KCNH1: variants seen among roughly 807,000 people sequenced by gnomAD.
The protein encoded by KCNH1 is potassium voltage-gated channel subfamily H member 1.
Under a neutral mutation model 69.2 loss-of-function variants are expected in KCNH1, and 27 were observed. The observed-to-expected ratio is 0.39, with a 90% CI of 0.29 to 0.54. KCNH1 has a LOEUF of 0.54. Ranked by LOEUF, KCNH1 falls within the 20% of genes least tolerant of loss-of-function variation. The probability of loss-of-function intolerance (pLI) is 0.68; values close to 1 mark genes in which losing one functional copy is unlikely to be tolerated. For missense variants in KCNH1, 798 were observed against 1,261.6 expected (o/e 0.63, Z 5.57); for synonymous variants, 456 against 487.7 (o/e 0.93, Z 0.86).
chr1:210,856,900 A>ATATATATATATATATATATATAAAC (rs1394990673), intron 7 of KCNH1, among the ~76,000 whole-genome samples: 1 of 53,192 alleles, frequency 1.9e-5, no homozygotes, highest in Non-Finnish European at 4.1e-5. Context: ...TATATATATA[A>ATATATATATATATATATATATAAAC]AATACTCATG....
Position 210,961,406 on chromosome 1 carries a change from C to A in KCNH1, c.1033-41337G>T, listed in dbSNP as rs189842616. The stretch of plus-strand genomic sequence containing the variant: ...TTACTAATTTTTTCTTCTCTATTTT[C>A]TAATCCAGTATAAAACCCATTCGAC... On this transcript the variant is annotated intron_variant, in intron 6 of 10. Transcript: ENST00000271751. Among the ~76,000 whole-genome samples, 1,114 of 152,046 alleles carry A rather than the reference C, an allele frequency of 7.3e-3. 10 individuals carry two copies. The highest frequency in any genetic ancestry group is 0.026 in the African/African-American group (1,069 of 41,508).
At chr1:211,036,470 G>A (rs1302939067) in intron 5 of KCNH1, among the ~76,000 whole-genome samples, 1 of 152,154 alleles carries the variant, frequency 6.6e-6, no homozygotes, top group African/African-American at 2.4e-5. Flanking sequence ...GTTTCACCAT[G>A]AGCCTGTGAT....
intron 9 of KCNH1, among the ~76,000 whole-genome samples, chr1:210,790,218 G>A (rs1558470629): frequency 6.6e-6 from 1 of 152,188 alleles, no homozygotes; most frequent in Admixed American, 6.5e-5. Context: ...CTTGAGCCCT[G>A]GTTTCTTTTC....
rs559795192 is a variant in KCNH1 at position 210,966,758 on chromosome 1, A to T, written c.1033-46689T>A. Among the ~76,000 whole-genome samples the T allele has an allele frequency of 1.4e-4, 22 of 152,354 alleles. 1 individual carries two copies. The South Asian group carries it at 4.6e-3, about 32-fold the overall frequency. ...GGCAGAGAAATAGGAACGCTTTTAC[A>T]CTGTTGGTGGGAGTGTAAATTAGTT... is the stretch of plus-strand genomic sequence containing the variant. On this transcript the variant is annotated intron_variant, in intron 6 of 10. Coordinates refer to ENST00000271751, the MANE Select transcript of KCNH1 (RefSeq NM_172362.3).
intron 10 of KCNH1, among the ~76,000 whole-genome samples, chr1:210,691,626 G>A (rs1681529202): frequency 6.6e-6 from 1 of 152,132 alleles, no homozygotes; most frequent in Non-Finnish European, 1.5e-5. Context: ...TAGTGTCTTT[G>A]TGTCCATTGG....
At chr1:210,773,712 C>G (rs1351501397) in intron 10 of KCNH1, among the ~76,000 whole-genome samples, 1 of 152,122 alleles carries the variant, frequency 6.6e-6, no homozygotes, top group African/African-American at 2.4e-5. Flanking sequence ...TTTAGCTGTC[C>G]CCCTCCTTTA....
intron 10 of KCNH1, among the ~76,000 whole-genome samples, chr1:210,712,118 C>T (rs549308468): frequency 1.3e-5 from 2 of 152,232 alleles, no homozygotes; most frequent in Admixed American, 6.5e-5. Context: ...TAGCAAAGAA[C>T]ATAGATGAGA....
chr1:211,113,709 T>G (rs903309679), intron 1 of KCNH1, among the ~76,000 whole-genome samples: 1 of 152,124 alleles, frequency 6.6e-6, no homozygotes, highest in Non-Finnish European at 1.5e-5. Context: ...TCAGTTCCCA[T>G]GGAGTCTGGA....
intron 7 of KCNH1, among the ~76,000 whole-genome samples, chr1:210,890,064 A>G (rs1574320434): frequency 6.6e-6 from 1 of 152,206 alleles, no homozygotes; most frequent in Admixed American, 6.5e-5. Context: ...ATATGGAATG[A>G]AAAAAGAGCC....
At chr1:210,847,328 T>C (rs896133461) in intron 7 of KCNH1, among the ~76,000 whole-genome samples, 49 of 152,080 alleles carry the variant, frequency 3.2e-4, no homozygotes, top group African/African-American at 1.1e-3. Flanking sequence ...TTGGAACCAA[T>C]CCAAATGTCC....
chr1:210,712,640 A>G (rs1682105527), intron 10 of KCNH1, among the ~76,000 whole-genome samples: 1 of 152,240 alleles, frequency 6.6e-6, no homozygotes, highest in South Asian at 2.1e-4. Flanking sequence ...TGTAGAAAGC[A>G]GAAAGTGATG....
intron 6 of KCNH1, among the ~76,000 whole-genome samples, chr1:210,968,743 T>C (rs562052274): frequency 2.0e-5 from 3 of 151,924 alleles, no homozygotes; most frequent in South Asian, 4.2e-4. Context: ...AATTTGTTTG[T>C]GTTCATTGTA....
intron 10 of KCNH1, among the ~76,000 whole-genome samples, chr1:210,748,753 A>C (rs575405754): frequency 6.6e-6 from 1 of 152,204 alleles, no homozygotes; most frequent in African/African-American, 2.4e-5. Context: ...CTTTGTGGTG[A>C]CTTGCCCATC....
intron 6 of KCNH1, among the ~76,000 whole-genome samples, chr1:210,991,450 T>TGAG (rs1688933723): frequency 6.6e-6 from 1 of 152,070 alleles, no homozygotes; most frequent in South Asian, 2.1e-4. Context: ...TAACAGAGGC[T>TGAG]GAGGAGGCAG....
chr1:210,833,311 G>C (rs1685204212), intron 7 of KCNH1, among the ~76,000 whole-genome samples: 1 of 152,128 alleles, frequency 6.6e-6, no homozygotes, highest in Non-Finnish European at 1.5e-5. Flanking sequence ...AATTCATACA[G>C]CATGGTACTG....
At chr1:210,773,095 T>G (rs1311854531) in intron 10 of KCNH1, among the ~76,000 whole-genome samples, 1 of 152,206 alleles carries the variant, frequency 6.6e-6, no homozygotes, top group Non-Finnish European at 1.5e-5. Context: ...CTGATTATAA[T>G]CAACTTGCTT....
intron 5 of KCNH1, among the ~76,000 whole-genome samples, chr1:211,021,248 A>C (rs890000355): frequency 1.2e-4 from 18 of 152,108 alleles, no homozygotes; most frequent in African/African-American, 4.3e-4. Flanking sequence ...CTCACAAATC[A>C]CCACTAAAGA....
In KCNH1 at chr1:211,134,121, T is replaced by TC. The variant is rs1011759438; in HGVS notation, c.-177dup. On this transcript the variant is annotated 5_prime_UTR_variant, in exon 1 of 11. Transcript: ENST00000271751. This position sits in a 1 kb window ranked among gnomAD's most constrained non-coding sequence, Gnocchi z 5.7. ...GCTACCCTCGCGCCCTCTTCGCGCC[T>TC]CCCTCCCTGCGGCCCGCCTCGCAGT... 6.1e-6 allele frequency: 3 copies of TC among 495,140 alleles called. No individual in the cohort carries two copies. Among genetic ancestry groups the TC allele is most frequent in the Non-Finnish European group, 3.5e-6 (1 of 283,410 alleles). The allele number at this position is 495,140 out of a possible 1,614,324, so 30.7% of individuals were successfully genotyped here. A position where few individuals can be genotyped will look rare whatever the true frequency, so the allele number is the denominator to read the frequency against.
At chr1:210,927,316 A>T (rs1159575119) in intron 6 of KCNH1, among the ~76,000 whole-genome samples, 1 of 152,232 alleles carries the variant, frequency 6.6e-6, no homozygotes, top group Non-Finnish European at 1.5e-5. Context: ...AGGCAAAAGC[A>T]TCAGGTAACC....
Sources: gnomAD v4.1 joint callset for allele counts (sites outside exome capture counted in the v4.1 genomes callset) on GRCh38, gnomAD v4.1.1 for gene constraint, Gnocchi (gnomAD v3.1) non-coding constraint, MANE v1.5 for transcripts, NCBI Gene and HGNC (gene_info 2026-07-23, HGNC 2026-07-21) for gene names.